The following VPS37C variants were observed in gnomAD, a reference collection of about 807,000 sequenced individuals.
VPS37C encodes the protein vacuolar protein sorting-associated protein 37C.
In VPS37C, 9 loss-of-function variants were observed where a neutral mutation model predicts 16.1. That is an observed-to-expected ratio of 0.56 (90% CI 0.34 to 0.97). The LOEUF is 0.97. VPS37C is among the 50% of genes least tolerant of loss of function. VPS37C has a pLI of 0.02. For missense variants in VPS37C, 479 were observed against 472.7 expected, an observed-to-expected ratio of 1.01 and a Z score of -0.12; for synonymous variants, 207 against 206.4, an observed-to-expected ratio of 1.00 and a Z score of -0.02.
At chr11:61,151,527 G>A (rs1160514972) in intron 1 of VPS37C, among the ~76,000 whole-genome samples, 1 of 152,160 alleles carries the variant, frequency 6.6e-6, no homozygotes, top group Non-Finnish European at 1.5e-5. Flanking sequence ...GTGCCTCAGT[G>A]TCTTCTATAA....
intron 1 of VPS37C, among the ~76,000 whole-genome samples, chr11:61,149,999 C>T (rs1853272961): frequency 6.6e-6 from 1 of 152,156 alleles, no homozygotes; most frequent in South Asian, 2.1e-4. Context: ...ACACCCTGCC[C>T]CCTAGGTCGC....
Position 61,132,486 on chromosome 11 carries a change from C to A in VPS37C, c.402G>T (p.Glu134Asp), listed in dbSNP as rs774073165. The change falls in exon 5 of 5, where the codon GAG (glutamate) becomes GAT (aspartate). Residue 134 changes from glutamate (E) to aspartate (D), a missense_variant. Glu to Asp is a conservative substitution (Grantham distance 45). Coordinates refer to ENST00000301765, the MANE Select transcript of VPS37C (RefSeq NM_017966.5). ...ACAGCATCCTCATGGAGGAAAAATTCTCCAGGAACGTTTCCAGGGGCACCT... is the reference window on the plus strand; with the variant it reads ...ACAGCATCCTCATGGAGGAAAAATTATCCAGGAACGTTTCCAGGGGCACCT... ...EGEVPLETFL[E>D]NFSSMRMLSH... The A allele has an allele frequency of 3.7e-6, 6 of 1,612,002 alleles. No individual in the cohort carries two copies. The highest frequency in any genetic ancestry group is 3.3e-5 in the South Asian group (3 of 90,998).
intron 1 of VPS37C, among the ~76,000 whole-genome samples, chr11:61,146,657 A>G (rs1853211051): frequency 6.6e-6 from 1 of 152,188 alleles, no homozygotes; most frequent in African/African-American, 2.4e-5. Context: ...TTCTGGGGTG[A>G]TATCATCAAC....
Position 61,132,254 on chromosome 11 carries a change from TG to T in VPS37C, c.633del (p.Ser212AlafsTer19). The T allele has an allele frequency of 6.6e-7, 1 of 1,522,566 alleles. No homozygotes were observed. The highest frequency in any genetic ancestry group is 8.8e-7 in the Non-Finnish European group (1 of 1,134,566). The allele number at this position is 1,522,566 out of a possible 1,614,324, so 94.3% of individuals were successfully genotyped here. ...TGGGCAGTGGGGCCCACAGGCAGGC[TG>T]GGGGATGGGCTGTAGGGCAAAGGGT... The part of the protein sequence containing the change: ...PPYPLPYSPS[P>X]SLPVGPTAHG... On this transcript the variant is annotated frameshift_variant, in exon 5 of 5. Transcript: ENST00000301765. LOFTEE classifies it low-confidence loss of function (END_TRUNC).
intron 1 of VPS37C, among the ~76,000 whole-genome samples, chr11:61,139,572 A>G (rs1861437185): frequency 6.6e-6 from 1 of 152,130 alleles, no homozygotes; most frequent in Non-Finnish European, 1.5e-5. Context: ...CACTCTGCCT[A>G]GAGGGCCATC....
Position 61,130,907 on chromosome 11 carries a change from T to C in VPS37C, c.*913A>G, listed in dbSNP as rs191917913. 449 of 395,924 alleles carry C rather than the reference T, an allele frequency of 1.1e-3. 3 individuals carry two copies. Among genetic ancestry groups the C allele is most frequent in the Non-Finnish European group, 1.2e-3 (243 of 206,778 alleles). The allele number at this position is 395,924 out of a possible 1,614,324, so 24.5% of individuals were successfully genotyped here. A position where few individuals can be genotyped will look rare whatever the true frequency, so the allele number is the denominator to read the frequency against. On this transcript the variant is annotated 3_prime_UTR_variant, in exon 5 of 5. Coordinates refer to ENST00000301765, the MANE Select transcript of VPS37C (RefSeq NM_017966.5). ...AGAAGGGGAGGGGAAGGGAGGGGGC[T>C]GCTTGTGAATGAGATTCAAGGCACT...
chr11:61,161,282 G>A (rs1200883660), intron 1 of VPS37C, 109 bp downstream of exon 1: 1 of 152,062 alleles, frequency 6.6e-6, no homozygotes, highest in Non-Finnish European at 1.5e-5. Flanking sequence ...GCCAGGATGA[G>A]GCGGGCAGGC....
In VPS37C at chr11:61,132,279, G is replaced by T; in HGVS notation, c.609C>A (p.Tyr203Ter). 1 of 1,569,516 alleles carries T rather than the reference G, an allele frequency of 6.4e-7. No individual in the cohort carries two copies. Among genetic ancestry groups the T allele is most frequent in the Non-Finnish European group, 8.7e-7 (1 of 1,155,744 alleles). The change falls in exon 5 of 5, where the codon TAC becomes TAA. Residue 203 changes from tyrosine to a stop codon, truncating the protein, a stop_gained. Coordinates refer to ENST00000301765, the MANE Select transcript of VPS37C (RefSeq NM_017966.5). LOFTEE classifies it low-confidence loss of function (END_TRUNC). ...TGGGGGATGGGCTGTAGGGCAAAGG[G>T]TAGGGAGGCATGGCTAATGGTGGCT... ...QPQPPLAMPP[Y>*]PLPYSPSPSL...
At chr11:61,147,839 C>A (rs1853240154) in intron 1 of VPS37C, among the ~76,000 whole-genome samples, 1 of 152,136 alleles carries the variant, frequency 6.6e-6, no homozygotes, top group Non-Finnish European at 1.5e-5. Context: ...CCAACTCTCC[C>A]CCCAGATTGT....
At chr11:61,136,878 G>A (rs190228964) in intron 2 of VPS37C, among the ~76,000 whole-genome samples, 1 of 152,246 alleles carries the variant, frequency 6.6e-6, no homozygotes, top group Non-Finnish European at 1.5e-5. Context: ...GTGTGGTGGT[G>A]TGCACCTGTA....
chr11:61,140,880 C>T (rs768759757), intron 1 of VPS37C, among the ~76,000 whole-genome samples: 1 of 152,188 alleles, frequency 6.6e-6, no homozygotes, highest in African/African-American at 2.4e-5. Context: ...ATTCTGTCCA[C>T]ACCTCACCTT....
chr11:61,144,129 C>G (rs890105629), intron 1 of VPS37C: 1 of 151,972 alleles, frequency 6.6e-6, no homozygotes, highest in Non-Finnish European at 1.5e-5. Flanking sequence ...CCACCACGCC[C>G]GGCTAATTTT....
chr11:61,149,025 TAA>T (rs1853258792), intron 1 of VPS37C, among the ~76,000 whole-genome samples: 1 of 152,214 alleles, frequency 6.6e-6, no homozygotes. Flanking sequence ...CTCACGCCTG[TAA>T]TCCCAGCACT....
chr11:61,146,084 G>C (rs615968), intron 1 of VPS37C, among the ~76,000 whole-genome samples: 112,224 of 152,240 alleles, frequency 0.74, 42,732 homozygotes, highest in East Asian at 1. Context: ...TCACAATAAC[G>C]TTTGCCCAAA....
At chr11:61,133,394 A>G in intron 3 of VPS37C, 57 bp from the exon 4 acceptor site, 2 of 1,566,762 alleles carry the variant, frequency 1.3e-6, no homozygotes, top group Non-Finnish European at 1.7e-6. Context: ...TTCAGTGTTA[A>G]AGGCACTTTG....
At chr11:61,134,292 C>A in intron 2 of VPS37C, 85 bp from the exon 3 acceptor site, 1 of 1,456,714 alleles carries the variant, frequency 6.9e-7, no homozygotes, top group South Asian at 1.3e-5. Context: ...TTCGGGGACA[C>A]ATTGCTCACC....
intron 2 of VPS37C, among the ~76,000 whole-genome samples, chr11:61,138,029 CA>C (rs1207001180): frequency 6.6e-6 from 1 of 152,208 alleles, no homozygotes; most frequent in Non-Finnish European, 1.5e-5. Flanking sequence ...AAATGCAAAT[CA>C]AAGGAGCTGG....
chr11:61,152,951 T>G (rs1480794428), intron 1 of VPS37C, among the ~76,000 whole-genome samples: 4 of 152,238 alleles, frequency 2.6e-5, no homozygotes, highest in Non-Finnish European at 4.4e-5. Flanking sequence ...TCATCCTGCC[T>G]TCCATGGTAC....
At chr11:61,142,675 T>C (rs1272703371) in intron 1 of VPS37C, among the ~76,000 whole-genome samples, 1 of 151,758 alleles carries the variant, frequency 6.6e-6, no homozygotes, top group Non-Finnish European at 1.5e-5. Flanking sequence ...GAAAATAATG[T>C]CTCAGAATGA....
Sources: allele counts gnomAD v4.1 joint callset (sites outside exome capture counted in the v4.1 genomes callset), GRCh38; gene constraint gnomAD v4.1.1; transcripts MANE v1.5; gene names NCBI Gene and HGNC (gene_info 2026-07-23, HGNC 2026-07-21).